The following ADGRF4 variants were observed in gnomAD, a reference collection of about 807,000 sequenced individuals.
ADGRF4 encodes the protein G-protein coupled receptor PGR18.
ADGRF4 carries 63 observed loss-of-function variants against 58.5 expected under a neutral mutation model. The observed-to-expected ratio is 1.08, with a 90% CI of 0.88 to 1.33. ADGRF4 has a LOEUF of 1.33. Among genes scored for constraint, ADGRF4 ranks in the 40% most tolerant of loss-of-function variants. The probability of loss-of-function intolerance (pLI) is 0.00; values close to 1 mark genes in which losing one functional copy is unlikely to be tolerated. For synonymous variants in ADGRF4, 313 were observed against 295.4 expected (o/e 1.06, Z -0.61); for missense variants, 931 against 843.9 (o/e 1.10, Z -1.28).
intron 9 of ADGRF4, among the ~76,000 whole-genome samples, chr6:47,719,470 C>T (rs910194024): frequency 6.6e-6 from 1 of 152,170 alleles, no homozygotes; most frequent in African/African-American, 2.4e-5. Flanking sequence ...CTGCTCGCTG[C>T]CCATTTCCTA....
Position 47,713,828 on chromosome 6 carries a change from G to C in ADGRF4, c.583G>C (p.Asp195His). Residue 195 changes from aspartate to histidine, a missense_variant, in exon 6 of 10, where the codon GAC (aspartate) becomes CAC (histidine). Physicochemically the swap from Asp to His is moderately conservative, Grantham distance 81 (BLOSUM62 -1). Transcript: ENST00000283303. ...TAGTGAAGTGGCCAACCACATCCTC[G>C]ACACAGCAGCCATTTCAAACTGGGC... ...SYSEVANHIL[D>H]TAAISNWAFI... 12 of 1,571,552 alleles carry C rather than the reference G, an allele frequency of 7.6e-6. No homozygotes were observed. The highest frequency in any genetic ancestry group is 1.0e-5 in the Non-Finnish European group (12 of 1,159,958).
Position 47,715,125 on chromosome 6 carries a change from A to T in ADGRF4, c.1880A>T (p.Glu627Val). 6.2e-7 allele frequency: 1 copy of T among 1,602,644 alleles called. No homozygotes were observed. Among genetic ancestry groups the T allele is most frequent in the Non-Finnish European group, 8.5e-7 (1 of 1,170,324 alleles). ...TWGFGIATLI[E>V]GTSLTFHIIF... ...GGTTTTGGAATAGCCACTCTCATAGAAGGCACTTCCTTGACGTTCCATATA... is the reference window on the plus strand; with the variant it reads ...GGTTTTGGAATAGCCACTCTCATAGTAGGCACTTCCTTGACGTTCCATATA... The change falls in exon 6 of 10, where the codon GAA becomes GTA. Residue 627 changes from glutamate (E) to valine (V), a missense_variant. Physicochemically the swap from Glu to Val is moderately radical, Grantham distance 121. Transcript: ENST00000283303.
intron 1 of ADGRF4, among the ~76,000 whole-genome samples, chr6:47,699,861 A>G (rs1771545926): frequency 6.6e-6 from 1 of 150,732 alleles, no homozygotes; most frequent in Admixed American, 6.6e-5. Context: ...CAGAGGAAAC[A>G]GACAGACAGT....
In ADGRF4 at chr6:47,717,311, T is replaced by C; in HGVS notation, c.1994T>C (p.Met665Thr). 6.2e-7 allele frequency: 1 copy of C among 1,611,556 alleles called. No homozygotes were observed. Among genetic ancestry groups the C allele is most frequent in the South Asian group, 1.1e-5 (1 of 91,030 alleles). The change falls in exon 8 of 10, where the codon ATG becomes ACG. Residue 665 changes from methionine to threonine, a missense_variant. Met to Thr is a moderately conservative substitution (Grantham distance 81, BLOSUM62 -1). Coordinates refer to ENST00000283303, the MANE Select transcript of ADGRF4 (RefSeq NM_153838.5). Reference sequence around the variant, plus strand: ...CTTTAGATAAGAGATGCTTTGAGGATGAGGATGTCTTCACTGAAGGGGAAA... The same window carrying C: ...CTTTAGATAAGAGATGCTTTGAGGACGAGGATGTCTTCACTGAAGGGGAAA... ...MDHKIRDALR[M>T]RMSSLKGKSR...
At chr6:47,700,125 C>T (rs1027593379) in intron 1 of ADGRF4, among the ~76,000 whole-genome samples, 1 of 152,114 alleles carries the variant, frequency 6.6e-6, no homozygotes, top group East Asian at 1.9e-4. Flanking sequence ...GGGAGAGGAA[C>T]CCTTTGGGAA....
chr6:47,706,503 C>T (rs1230147761), intron 1 of ADGRF4, among the ~76,000 whole-genome samples: 2 of 152,188 alleles, frequency 1.3e-5, no homozygotes, highest in African/African-American at 4.8e-5. Context: ...CAGTGGTTCT[C>T]AACTGGGGGA....
intron 6 of ADGRF4, among the ~76,000 whole-genome samples, chr6:47,715,983 ATT>A (rs3030671): frequency 7.0e-5 from 10 of 143,796 alleles, no homozygotes; most frequent in East Asian, 2.0e-4. Flanking sequence ...GACATGAGGG[ATT>A]TTTTTTTTTT....
rs934207283 is a variant in ADGRF4 at position 47,712,218 on chromosome 6, C to G, written c.301-139C>G. 3.3e-5 allele frequency: 24 copies of G among 723,836 alleles called. No individual in the cohort carries two copies. The East Asian group carries it at 3.5e-4, about 11-fold the overall frequency. The allele number at this position is 723,836 out of a possible 1,614,324, so 44.8% of individuals were successfully genotyped here. ...GATCCCACTGTATCGTCTCCACCCC[C>G]CTCTGCATCAAAACCACTTTTTAGG... On this transcript the variant is annotated intron_variant, in intron 4 of 9. Coordinates refer to ENST00000283303, the MANE Select transcript of ADGRF4 (RefSeq NM_153838.5).
At position 47,707,267 on chromosome 6, in the gene ADGRF4, A is replaced by G; in HGVS notation, c.22A>G (p.Thr8Ala). 1.2e-6 allele frequency: 2 copies of G among 1,612,740 alleles called. No individual in the cohort carries two copies. Among genetic ancestry groups the G allele is most frequent in the Non-Finnish European group, 1.7e-6 (2 of 1,178,750 alleles). Residue 8 changes from threonine to alanine, a missense_variant, in exon 2 of 10, where the codon ACC (threonine) becomes GCC (alanine). Thr to Ala is a moderately conservative substitution (Grantham distance 58, BLOSUM62 0). Coordinates refer to ENST00000283303, the MANE Select transcript of ADGRF4 (RefSeq NM_153838.5). ...ATGTATGAAAATGAAGTCCCAGGCAACCATGATTTGCTGCTTAGTGTTCTT... is the reference window on the plus strand; with the variant it reads ...ATGTATGAAAATGAAGTCCCAGGCAGCCATGATTTGCTGCTTAGTGTTCTT... MKMKSQA[T>A]MICCLVFFLS...
Position 47,717,275 on chromosome 6 carries a change from T to A in ADGRF4, c.1975-17T>A, listed in dbSNP as rs1772043409. On this transcript the variant is annotated splice_polypyrimidine_tract_variant and intron_variant, in intron 7 of 9. Transcript: ENST00000283303. ...CCAACATCTGTGAGGTACTTCTCAT[T>A]GTCATTGCTTCTTTAGATAAGAGAT... The A allele has an allele frequency of 6.3e-7, 1 of 1,585,430 alleles. No homozygotes were observed. The highest frequency in any genetic ancestry group is 8.7e-7 in the Non-Finnish European group (1 of 1,153,700).
intron 9 of ADGRF4, among the ~76,000 whole-genome samples, chr6:47,720,230 T>C (rs1407270635): frequency 6.6e-6 from 1 of 151,698 alleles, no homozygotes; most frequent in Non-Finnish European, 1.5e-5. Context: ...ACACACAGTG[T>C]TCAGGGCAAA....
At chr6:47,718,260 C>T (rs1247681788) in intron 8 of ADGRF4, 129 bp from the exon 9 acceptor site, 2 of 641,346 alleles carry the variant, frequency 3.1e-6, no homozygotes, top group African/African-American at 3.6e-5. Flanking sequence ...TAATTTACTT[C>T]TGTGTAGCTA....
chr6:47,711,429 A>G (rs1359104068), intron 4 of ADGRF4, among the ~76,000 whole-genome samples: 2 of 152,068 alleles, frequency 1.3e-5, no homozygotes, highest in Non-Finnish European at 2.9e-5. Flanking sequence ...CACCCAGCTA[A>G]TTTTTGTATT....
At chr6:47,717,428 C>T in intron 8 of ADGRF4, 77 bp downstream of exon 8, 1 of 895,754 alleles carries the variant, frequency 1.1e-6, no homozygotes, top group South Asian at 1.3e-5. Context: ...TACCATAGCT[C>T]AGTACTCAGG....
At chr6:47,711,112 CAAAAA>C (rs35782783) in intron 4 of ADGRF4, among the ~76,000 whole-genome samples, 1 of 145,958 alleles carries the variant, frequency 6.9e-6, no homozygotes, top group Non-Finnish European at 1.5e-5. Context: ...AAACTTTTCT[CAAAAA>C]AAAAAAAAAA....
At chr6:47,721,125 T>C (rs1017404266) in intron 9 of ADGRF4, 84 bp from the exon 10 acceptor site, 7 of 152,204 alleles carry the variant, frequency 4.6e-5, no homozygotes, top group African/African-American at 1.7e-4. Flanking sequence ...CAGGATAGTT[T>C]CAGGATTAAA....
chr6:47,709,193 C>T (rs535006219), intron 3 of ADGRF4, among the ~76,000 whole-genome samples: 2 of 151,890 alleles, frequency 1.3e-5, no homozygotes, highest in South Asian at 2.1e-4. Flanking sequence ...TTTGAACACC[C>T]TAATAGCTCT....
chr6:47,715,242 T>A, intron 6 of ADGRF4, 65 bp downstream of exon 6: 1 of 1,176,726 alleles, frequency 8.5e-7, no homozygotes, highest in Non-Finnish European at 1.2e-6. Context: ...TGGCTATGAT[T>A]TGAAATTATA....
intron 6 of ADGRF4, chr6:47,715,615 A>G (rs9473159): frequency 0.039 from 6,079 of 156,878 alleles, 425 homozygotes; most frequent in African/African-American, 0.13. Flanking sequence ...GCCAGTCAGG[A>G]GTTCTCATAC....
Sources: allele counts gnomAD v4.1 joint callset (sites outside exome capture counted in the v4.1 genomes callset), GRCh38; gene constraint gnomAD v4.1.1; transcripts MANE v1.5; gene names NCBI Gene and HGNC (gene_info 2026-07-23, HGNC 2026-07-21).